APP: variants seen among roughly 807,000 people sequenced by gnomAD.
The protein encoded by APP is amyloid-beta precursor protein.
A neutral mutation model predicts 101.4 loss-of-function variants in APP; 31 were observed. That is an observed-to-expected ratio of 0.31 (90% CI 0.23 to 0.41). The LOEUF (loss-of-function observed/expected upper bound fraction) is 0.41, where lower values mean the gene tolerates loss of function less well. Ranked by LOEUF, APP falls within the 10% of genes least tolerant of loss-of-function variation. The pLI, the probability that APP is intolerant of heterozygous loss-of-function variation, is 1.00. For synonymous variants in APP, 366 were observed against 364.4 expected (o/e 1.00, Z -0.05); for missense variants, 839 against 1,003.7 (o/e 0.84, Z 2.22).
chr21:25,925,451 G>T (rs1051221466), intron 13 of APP, among the ~76,000 whole-genome samples: 1 of 152,086 alleles, frequency 6.6e-6, no homozygotes, highest in Non-Finnish European at 1.5e-5. Flanking sequence ...CTGGGAGTTT[G>T]TTAGACATGC....
rs575428638 is a variant in APP at position 25,933,222 on chromosome 21, C to T, written c.1688-21260G>A. On this transcript the variant is annotated intron_variant, in intron 13 of 17. Transcript: ENST00000346798. The stretch of plus-strand genomic sequence containing the variant: ...CAAGTGATCTTCTCACCTCAGCCTC[C>T]AGAGCAGCTGGGTCTACAGGCATGC... Among the ~76,000 whole-genome samples the T allele has an allele frequency of 5.3e-5, 8 of 152,276 alleles. No individual in the cohort carries two copies. The East Asian group carries it at 1.5e-3, about 29-fold the overall frequency.
At chr21:26,151,823 C>T (rs2063276517) in intron 1 of APP, among the ~76,000 whole-genome samples, 2 of 152,202 alleles carry the variant, frequency 1.3e-5, no homozygotes, top group East Asian at 3.8e-4. Context: ...CCTAACACGC[C>T]ACAGACCGGT....
intron 3 of APP, among the ~76,000 whole-genome samples, chr21:26,075,979 C>T (rs1282257058): frequency 6.6e-6 from 1 of 152,080 alleles, no homozygotes; most frequent in Non-Finnish European, 1.5e-5. Flanking sequence ...CTGCAATCTC[C>T]GCTTCCCGGT....
At chr21:25,895,332 A>T (rs2037966960) in intron 16 of APP, among the ~76,000 whole-genome samples, 1 of 151,870 alleles carries the variant, frequency 6.6e-6, no homozygotes, top group Non-Finnish European at 1.5e-5. Context: ...TATGCAGCTA[A>T]TTTTTGTATT....
chr21:26,059,639 C>T (rs2046186330), intron 3 of APP, among the ~76,000 whole-genome samples: 1 of 152,036 alleles, frequency 6.6e-6, no homozygotes, highest in Non-Finnish European at 1.5e-5. Flanking sequence ...GTCTGTAATC[C>T]CAGCACTTTG....
At chr21:26,098,407 C>T (rs2061992828) in intron 2 of APP, among the ~76,000 whole-genome samples, 1 of 151,750 alleles carries the variant, frequency 6.6e-6, no homozygotes, top group African/African-American at 2.4e-5. Flanking sequence ...CAAGAAAAGA[C>T]ATTGATGATA....
At chr21:26,140,049 A>G (rs960645109) in intron 1 of APP, 13 of 952,752 alleles carry the variant, frequency 1.4e-5, no homozygotes, top group Non-Finnish European at 1.9e-5. Context: ...TTTGGTCACA[A>G]TAAGTAACAT....
At chr21:26,141,007 G>C (rs1369117616) in intron 1 of APP, among the ~76,000 whole-genome samples, 2 of 152,154 alleles carry the variant, frequency 1.3e-5, no homozygotes, top group African/African-American at 4.8e-5. Context: ...TGTAATTCTG[G>C]CCAAAAGGTT....
At chr21:26,029,712 C>A (rs772577688) in intron 5 of APP, among the ~76,000 whole-genome samples, 1 of 152,122 alleles carries the variant, frequency 6.6e-6, no homozygotes, top group Non-Finnish European at 1.5e-5. Flanking sequence ...CAGGTCTTGG[C>A]AAACTGCAAC....
intron 14 of APP, among the ~76,000 whole-genome samples, chr21:25,906,496 T>C (rs972357805): frequency 1.3e-4 from 20 of 152,246 alleles, no homozygotes; most frequent in African/African-American, 3.9e-4. Context: ...TACCAGATAC[T>C]ACAGAACTGC....
intron 5 of APP, among the ~76,000 whole-genome samples, chr21:26,046,643 C>T (rs1325542014): frequency 1.3e-5 from 2 of 152,090 alleles, no homozygotes; most frequent in South Asian, 2.1e-4. Context: ...TAAAAGAATA[C>T]ATCGATAATT....
At chr21:25,943,493 C>G (rs1299023457) in intron 13 of APP, among the ~76,000 whole-genome samples, 1 of 148,168 alleles carries the variant, frequency 6.7e-6, no homozygotes, top group Non-Finnish European at 1.5e-5. Flanking sequence ...CGTTCTGTTG[C>G]CCTGGCTAGG....
intron 1 of APP, among the ~76,000 whole-genome samples, chr21:26,159,981 C>A (rs2063457115): frequency 6.6e-6 from 1 of 152,134 alleles, no homozygotes; most frequent in Admixed American, 6.5e-5. Flanking sequence ...TTTAAGTATA[C>A]CCTCTCTGCC....
intron 3 of APP, among the ~76,000 whole-genome samples, chr21:26,059,076 G>T (rs1390829112): frequency 6.7e-6 from 1 of 149,604 alleles, no homozygotes. Context: ...GCGAGACTCC[G>T]TCTCAAAAAA....
At chr21:26,155,777 T>G (rs1407486887) in intron 1 of APP, among the ~76,000 whole-genome samples, 3 of 152,068 alleles carry the variant, frequency 2.0e-5, no homozygotes, top group Non-Finnish European at 4.4e-5. Context: ...GGGTGGATCA[T>G]GAGGTCAGGA....
intron 2 of APP, 69 bp downstream of exon 2, chr21:26,111,910 G>T: frequency 6.4e-7 from 1 of 1,556,200 alleles, no homozygotes; most frequent in Admixed American, 1.7e-5. Flanking sequence ...CAAAATACAA[G>T]AAGTTAAATT....
intron 1 of APP, among the ~76,000 whole-genome samples, chr21:26,149,885 T>G (rs1469923972): frequency 6.6e-6 from 1 of 152,348 alleles, no homozygotes; most frequent in Non-Finnish European, 1.5e-5. Flanking sequence ...TAAGCTCATG[T>G]GCTTCTTCCA....
intron 11 of APP, among the ~76,000 whole-genome samples, chr21:25,972,294 T>A (rs2031689541): frequency 6.6e-6 from 1 of 152,072 alleles, no homozygotes; most frequent in Admixed American, 6.6e-5. Flanking sequence ...AAAATTAAAT[T>A]GTTAAAAACC....
chr21:26,017,028 C>G (rs1233187319), intron 6 of APP, among the ~76,000 whole-genome samples: 1 of 148,030 alleles, frequency 6.8e-6, no homozygotes, highest in Admixed American at 6.7e-5. Context: ...GAAACCCTGA[C>G]TCTACTAAAA....
Sources: gnomAD v4.1 joint callset for allele counts (sites outside exome capture counted in the v4.1 genomes callset) on GRCh38, gnomAD v4.1.1 for gene constraint, MANE v1.5 for transcripts, NCBI Gene and HGNC (gene_info 2026-07-23, HGNC 2026-07-21) for gene names.